Variants in PTPRT observed in about 807,000 individuals in gnomAD.
PTPRT encodes protein tyrosine phosphatase receptor type T.
PTPRT carries 56 observed loss-of-function variants against 176.8 expected under a neutral mutation model. The observed-to-expected ratio is 0.32, with a 90% CI of 0.26 to 0.40. The LOEUF (loss-of-function observed/expected upper bound fraction) is 0.40, where lower values mean the gene tolerates loss of function less well. Among genes scored for constraint, PTPRT ranks in the 10% least tolerant of loss-of-function variants. The pLI is 1.00. For missense variants in PTPRT, 1,540 were observed against 1,908.2 expected (o/e 0.81, Z 3.60); for synonymous variants, 783 against 739.0 (o/e 1.06, Z -0.96).
intron 6 of PTPRT, among the ~76,000 whole-genome samples, chr20:42,696,459 T>TTTTTTATTTTA (rs537256750): frequency 7.5e-6 from 1 of 133,356 alleles, no homozygotes; most frequent in Non-Finnish European, 1.5e-5. Context: ...ACATGAATTA[T>TTTTTTATTTTA]TTTTTTTTTT....
chr20:42,178,889 T>C (rs1408409364), intron 16 of PTPRT, among the ~76,000 whole-genome samples: 1 of 152,180 alleles, frequency 6.6e-6, no homozygotes, highest in Non-Finnish European at 1.5e-5. Flanking sequence ...ATATAGTAGC[T>C]AGCTTCCCAA....
At chr20:42,236,441 T>C (rs935580718) in intron 14 of PTPRT, among the ~76,000 whole-genome samples, 183 bp from the exon 15 acceptor site, 14 of 152,210 alleles carry the variant, frequency 9.2e-5, no homozygotes, top group Admixed American at 3.3e-4. Flanking sequence ...GAGAATCAGA[T>C]ATTTCCAGTG....
At chr20:42,555,296 T>C (rs1336124331) in intron 7 of PTPRT, among the ~76,000 whole-genome samples, 1 of 152,186 alleles carries the variant, frequency 6.6e-6, no homozygotes, top group African/African-American at 2.4e-5. Context: ...CATGCTACTT[T>C]CCCAGGGTCT....
chr20:42,034,428 C>A, the PTPRT span, among the ~76,000 whole-genome samples: 6 of 152,056 alleles, frequency 3.9e-5, no homozygotes, highest in Non-Finnish European at 7.4e-5. Context: ...GAGAGGGAGA[C>A]TATTAGGGTT....
At chr20:42,854,091 C>G (rs146793814) in intron 2 of PTPRT, among the ~76,000 whole-genome samples, 1 of 152,142 alleles carries the variant, frequency 6.6e-6, no homozygotes, top group Non-Finnish European at 1.5e-5. Context: ...GCTCACAATA[C>G]CTCGTCACAA....
intron 1 of PTPRT, among the ~76,000 whole-genome samples, chr20:42,935,612 G>C (rs2145981445): frequency 6.6e-6 from 1 of 152,212 alleles, no homozygotes; most frequent in African/African-American, 2.4e-5. Context: ...CTAAGGCCTG[G>C]AACATAAGAG....
At chr20:42,539,932 A>G (rs571242353) in intron 7 of PTPRT, among the ~76,000 whole-genome samples, 1 of 152,212 alleles carries the variant, frequency 6.6e-6, no homozygotes, top group Non-Finnish European at 1.5e-5. Flanking sequence ...TCCAACATCC[A>G]AATACTAAAG....
chr20:42,323,318 T>C (rs890150079), intron 11 of PTPRT, among the ~76,000 whole-genome samples: 1 of 152,180 alleles, frequency 6.6e-6, no homozygotes, highest in Non-Finnish European at 1.5e-5. Flanking sequence ...CACATATGTT[T>C]ATTGCGGCAC....
intron 8 of PTPRT, among the ~76,000 whole-genome samples, chr20:42,469,280 T>C (rs961501058): frequency 3.3e-5 from 5 of 152,168 alleles, no homozygotes; most frequent in African/African-American, 4.8e-5. Context: ...CTCGGCTCAC[T>C]GCAACCTCCG....
chr20:43,189,895 G>A lies in PTPRT; in HGVS notation c.-162C>T, dbSNP rs2015499191. The stretch of plus-strand genomic sequence containing the variant: ...GCGCTCCTGCGTTCCAAGCCGAGGC[G>A]CGGCGCGAACTGAGGCGGGAGGCTG... On this transcript the variant is annotated 5_prime_UTR_variant, in exon 1 of 31. Coordinates refer to ENST00000373187, the MANE Select transcript of PTPRT (RefSeq NM_007050.6). The surrounding 1 kb of genome is among the most constrained non-coding windows in gnomAD (Gnocchi z 5.0). 1 of 173,800 alleles carries A rather than the reference G, an allele frequency of 5.8e-6. No homozygotes were observed. The highest frequency in any genetic ancestry group is 2.4e-5 in the African/African-American group (1 of 41,220). 10.8% of individuals were successfully genotyped at this position (173,800 alleles called of 1,614,324 possible). A position where few individuals can be genotyped will look rare whatever the true frequency, so the allele number is the denominator to read the frequency against.
intron 1 of PTPRT, among the ~76,000 whole-genome samples, chr20:43,001,447 T>C (rs1457661160): frequency 1.3e-5 from 2 of 151,608 alleles, no homozygotes; most frequent in Non-Finnish European, 2.9e-5. Flanking sequence ...ATTGTGGGTA[T>C]TCCCTATAGC....
chr20:42,173,365 G>A (rs1990156230), intron 16 of PTPRT, among the ~76,000 whole-genome samples: 1 of 152,052 alleles, frequency 6.6e-6, no homozygotes, highest in African/African-American at 2.4e-5. Context: ...AAGCATGTGA[G>A]TTTTCCCTTA....
At chr20:43,108,401 T>C (rs963108685) in intron 1 of PTPRT, among the ~76,000 whole-genome samples, 1 of 152,160 alleles carries the variant, frequency 6.6e-6, no homozygotes, top group African/African-American at 2.4e-5. Context: ...CCAATCCCAA[T>C]GCTATCCTTC....
chr20:42,345,580 A>ATGTGTG (rs1474978839), intron 11 of PTPRT, among the ~76,000 whole-genome samples: 8 of 86,456 alleles, frequency 9.3e-5, no homozygotes, highest in African/African-American at 3.1e-4. Context: ...ACATACATAT[A>ATGTGTG]TATGTGTGTG....
chr20:42,315,454 G>A (rs904967370), intron 12 of PTPRT, among the ~76,000 whole-genome samples: 5 of 152,206 alleles, frequency 3.3e-5, no homozygotes, highest in Admixed American at 2.6e-4. Flanking sequence ...TATGTAAAAA[G>A]CCATATAATA....
At position 42,296,897 on chromosome 20, in the gene PTPRT, A is replaced by G. The variant is rs545337675; in HGVS notation, c.2140-14372T>C. On this transcript the variant is annotated intron_variant, in intron 12 of 30. Coordinates refer to ENST00000373187, the MANE Select transcript of PTPRT (RefSeq NM_007050.6). The stretch of plus-strand genomic sequence containing the variant: ...CCATTCTCAATGATGTACTTATTTC[A>G]TATCACATGCCTGTATCAAAATGTC... Among the ~76,000 whole-genome samples the G allele has an allele frequency of 7.9e-5, 12 of 152,294 alleles. No individual in the cohort carries two copies. The East Asian group carries it at 2.3e-3, about 29-fold the overall frequency.
chr20:42,404,806 T>A (rs2058943145), intron 9 of PTPRT, among the ~76,000 whole-genome samples: 1 of 151,784 alleles, frequency 6.6e-6, no homozygotes, highest in East Asian at 1.9e-4. Flanking sequence ...AATAGACATC[T>A]TGAAAAACGT....
intron 1 of PTPRT, among the ~76,000 whole-genome samples, chr20:43,115,457 T>C (rs1396928253): frequency 1.3e-5 from 2 of 152,204 alleles, no homozygotes; most frequent in African/African-American, 4.8e-5. Flanking sequence ...TCTGGTTTCC[T>C]TTAATGATAC....
rs1224721832 is a variant in PTPRT, at chr20:42,350,670, G to A, written c.1823C>T (p.Thr608Ile). The A allele has an allele frequency of 6.2e-7, 1 of 1,613,852 alleles. No homozygotes were observed. Among genetic ancestry groups the A allele is most frequent in the African/African-American group, 1.3e-5 (1 of 75,038 alleles). The change falls in exon 11 of 31, where the codon ACA becomes ATA. Residue 608 changes from threonine to isoleucine, a missense_variant. Physicochemically the swap from Thr to Ile is moderately conservative, Grantham distance 89. This residue lies in a region of PTPRT where 4 missense variants were observed against 19.5 expected (regional missense o/e 0.21). Coordinates refer to ENST00000373187, the MANE Select transcript of PTPRT (RefSeq NM_007050.6). ...TPLNETDTTITVMLKPAQSRG... is the reference protein window; with the variant it reads ...TPLNETDTTIIVMLKPAQSRG... ...GGACTGAGCGGGTTTCAGCATCACT[G>A]TGATGGTCGTGTCTGTCTCATTCAA...
Sources: gnomAD v4.1 joint callset for allele counts (sites outside exome capture counted in the v4.1 genomes callset) on GRCh38, gnomAD v4.1.1 for gene constraint, gnomAD v4.1.1 regional missense constraint, Gnocchi (gnomAD v3.1) non-coding constraint, MANE v1.5 for transcripts, NCBI Gene and HGNC (gene_info 2026-07-23, HGNC 2026-07-21) for gene names.